CIMIP6: variants seen among roughly 807,000 people sequenced by gnomAD.
The protein encoded by CIMIP6 is ciliary microtubule inner protein 6.
At chr2:54,380,771 A>G in the CIMIP6 span, among the ~76,000 whole-genome samples, 1 of 152,210 alleles carries the variant, frequency 6.6e-6, no homozygotes, top group Non-Finnish European at 1.5e-5. Flanking sequence ...ACACATACGC[A>G]TGATTACACC....
At chr2:54,351,564 T>C in the CIMIP6 span, among the ~76,000 whole-genome samples, 1 of 152,134 alleles carries the variant, frequency 6.6e-6, no homozygotes, top group Non-Finnish European at 1.5e-5. Flanking sequence ...AAGTGGGAGC[T>C]AAATGATGAA....
At chr2:54,340,886 G>C in the CIMIP6 span, among the ~76,000 whole-genome samples, 1 of 152,102 alleles carries the variant, frequency 6.6e-6, no homozygotes, top group Non-Finnish European at 1.5e-5. Flanking sequence ...GATCACCTGA[G>C]TCCAGGAGTT....
chr2:54,365,127 G>C, the CIMIP6 span, among the ~76,000 whole-genome samples: 2 of 152,090 alleles, frequency 1.3e-5, no homozygotes, highest in Non-Finnish European at 1.5e-5. Flanking sequence ...AATAATTCTG[G>C]GTTATCTCCT....
the CIMIP6 span, among the ~76,000 whole-genome samples, chr2:54,348,843 A>C: frequency 6.6e-6 from 1 of 152,182 alleles, no homozygotes; most frequent in Non-Finnish European, 1.5e-5. Context: ...GGACTTTGGC[A>C]TTTCAGCAAT....
At chr2:54,363,465 C>T in the CIMIP6 span, among the ~76,000 whole-genome samples, 1 of 152,148 alleles carries the variant, frequency 6.6e-6, no homozygotes, top group Non-Finnish European at 1.5e-5. Flanking sequence ...ATGCAGTTCC[C>T]TAACTTTTCA....
At chr2:54,381,846 A>G in the CIMIP6 span, 1 of 1,536,568 alleles carries the variant, frequency 6.5e-7, no homozygotes, top group Non-Finnish European at 8.7e-7. Context: ...TTCCTTCCAG[A>G]TGAAACCTTG....
At chr2:54,355,988 G>A in the CIMIP6 span, among the ~76,000 whole-genome samples, 1 of 152,164 alleles carries the variant, frequency 6.6e-6, no homozygotes, top group Non-Finnish European at 1.5e-5. Context: ...ACCAGGGTCT[G>A]GTTTGTATGT....
At chr2:54,366,464 C>T in the CIMIP6 span, among the ~76,000 whole-genome samples, 2 of 152,098 alleles carry the variant, frequency 1.3e-5, no homozygotes, top group Non-Finnish European at 2.9e-5. Flanking sequence ...AAATTCTACT[C>T]CTAACTTATA....
chr2:54,381,808 C>T, the CIMIP6 span: 1 of 1,510,586 alleles, frequency 6.6e-7, no homozygotes, highest in African/African-American at 1.4e-5. Flanking sequence ...AGACTTTTTC[C>T]CATAATTTTT....
At chr2:54,378,370 A>C in the CIMIP6 span, among the ~76,000 whole-genome samples, 4 of 152,300 alleles carry the variant, frequency 2.6e-5, no homozygotes, top group East Asian at 7.7e-4. Flanking sequence ...GCAGGCCTGC[A>C]CCTAAGCTCA....
chr2:54,373,435 A>T, the CIMIP6 span, among the ~76,000 whole-genome samples: 1 of 151,800 alleles, frequency 6.6e-6, no homozygotes, highest in Admixed American at 6.6e-5. Flanking sequence ...GCACAAATAA[A>T]TGCTCCTTCA....
chr2:54,372,290 A>G, the CIMIP6 span, among the ~76,000 whole-genome samples: 1 of 152,168 alleles, frequency 6.6e-6, no homozygotes, highest in African/African-American at 2.4e-5. Flanking sequence ...GTCAGTGTTC[A>G]TATTTATCAT....
the CIMIP6 span, chr2:54,343,646 T>G: frequency 9.2e-7 from 1 of 1,092,064 alleles, no homozygotes. Context: ...TTACTGAATA[T>G]CCATAGACAT....
chr2:54,357,640 G>A, the CIMIP6 span, among the ~76,000 whole-genome samples: 1 of 149,562 alleles, frequency 6.7e-6, no homozygotes, highest in African/African-American at 2.5e-5. Flanking sequence ...GCAGTGGCGC[G>A]ATTTTGGCTC....
the CIMIP6 span, chr2:54,360,253 A>G: frequency 1.2e-6 from 2 of 1,609,530 alleles, no homozygotes; most frequent in Non-Finnish European, 1.7e-6. Context: ...GTAGGCCAAC[A>G]GTTCCTAAAG....
the CIMIP6 span, among the ~76,000 whole-genome samples, chr2:54,364,782 C>T: frequency 6.6e-6 from 1 of 152,216 alleles, no homozygotes; most frequent in African/African-American, 2.4e-5. Context: ...CTTTGTTAGA[C>T]TCCTTACTGC....
At chr2:54,362,825 G>T in the CIMIP6 span, among the ~76,000 whole-genome samples, 1 of 152,204 alleles carries the variant, frequency 6.6e-6, no homozygotes, top group South Asian at 2.1e-4. Flanking sequence ...GGGATTACAG[G>T]CATGAGCCAC....
chr2:54,341,678 G>A, the CIMIP6 span, among the ~76,000 whole-genome samples: 1 of 152,220 alleles, frequency 6.6e-6, no homozygotes, highest in Non-Finnish European at 1.5e-5. Flanking sequence ...CAGTGCAGCA[G>A]TCTGCTGGTG....
At chr2:54,335,074 G>A in the CIMIP6 span, 11 of 1,426,630 alleles carry the variant, frequency 7.7e-6, no homozygotes, top group Non-Finnish European at 8.6e-6. Flanking sequence ...TTCAGATGCT[G>A]TTTTGCAGAA....
Sources: allele counts gnomAD v4.1 joint callset (sites outside exome capture counted in the v4.1 genomes callset), GRCh38; gene constraint gnomAD v4.1.1; transcripts MANE v1.5; gene names NCBI Gene and HGNC (gene_info 2026-07-23, HGNC 2026-07-21).